Variants in OR56A3 observed in about 807,000 individuals in gnomAD.
OR56A3 encodes olfactory receptor 56A3.
In OR56A3, 23 loss-of-function variants were observed where a neutral mutation model predicts 17.5. The observed-to-expected ratio is 1.32, with a 90% confidence interval of 0.95 to 1.87. The LOEUF is 1.87. Ranked by LOEUF, OR56A3 falls within the 40% of genes most tolerant of loss-of-function variation. The probability of loss-of-function intolerance (pLI) is 0.00; values close to 1 mark genes in which losing one functional copy is unlikely to be tolerated. For synonymous variants in OR56A3, 175 were observed against 150.6 expected, an observed-to-expected ratio of 1.16 and a Z score of -1.19; for missense variants, 366 against 380.1, an observed-to-expected ratio of 0.96 and a Z score of 0.31.
chr11:6,002,443 T>C, the OR56A3 span: 1 of 1,614,250 alleles, frequency 6.2e-7, no homozygotes, highest in Non-Finnish European at 8.5e-7. Context: ...ACAGACAGGT[T>C]ACTGCAGATG....
downstream of OR56A3, among the ~76,000 whole-genome samples, chr11:5,951,636 C>G (rs1847908607): frequency 6.6e-6 from 1 of 152,100 alleles, no homozygotes; most frequent in African/African-American, 2.4e-5. Flanking sequence ...TTTGAGAGGG[C>G]AGGCCCAGCT....
At chr11:6,021,364 A>G in the OR56A3 span, 2 of 152,108 alleles carry the variant, frequency 1.3e-5, no homozygotes, top group African/African-American at 2.4e-5. Context: ...TCAACAATAT[A>G]TTGTATATTT....
the OR56A3 span, chr11:6,020,733 A>C: frequency 3.3e-5 from 5 of 152,078 alleles, no homozygotes; most frequent in Non-Finnish European, 7.4e-5. Flanking sequence ...TTCTATATAT[A>C]GAATCATGTC....
At chr11:6,012,674 C>T in the OR56A3 span, among the ~76,000 whole-genome samples, 56 of 152,262 alleles carry the variant, frequency 3.7e-4, no homozygotes, top group East Asian at 5.8e-4. Flanking sequence ...CATGGGCAGC[C>T]GGGGGCAAGC....
At chr11:5,958,151 T>G in the OR56A3 span, among the ~76,000 whole-genome samples, 4 of 152,186 alleles carry the variant, frequency 2.6e-5, no homozygotes. Context: ...TATCTCTTCA[T>G]GGATAGCCTA....
chr11:6,012,569 C>T, the OR56A3 span, among the ~76,000 whole-genome samples: 1 of 152,160 alleles, frequency 6.6e-6, no homozygotes, highest in African/African-American at 2.4e-5. Context: ...CTCCCTGCAG[C>T]TGGTCATCTC....
At chr11:5,958,540 A>G in the OR56A3 span, among the ~76,000 whole-genome samples, 3 of 152,294 alleles carry the variant, frequency 2.0e-5, no homozygotes, top group African/African-American at 7.2e-5. Flanking sequence ...CATGTACAAC[A>G]GGATGTTTTG....
the OR56A3 span, chr11:5,994,076 C>T: frequency 2.1e-6 from 1 of 481,556 alleles, no homozygotes; most frequent in Non-Finnish European, 4.1e-6. Context: ...TTCAGCAGGG[C>T]TTCCTACTCG....
chr11:5,984,236 G>A, the OR56A3 span, among the ~76,000 whole-genome samples: 1 of 152,134 alleles, frequency 6.6e-6, no homozygotes, highest in African/African-American at 2.4e-5. Context: ...TTACAAGAGG[G>A]AATTCTAAAA....
At chr11:5,958,590 T>C in the OR56A3 span, among the ~76,000 whole-genome samples, 1 of 152,196 alleles carries the variant, frequency 6.6e-6, no homozygotes, top group Admixed American at 6.5e-5. Flanking sequence ...TCTAGCTAGT[T>C]AACAAATGCA....
the OR56A3 span, among the ~76,000 whole-genome samples, chr11:5,960,860 C>T: frequency 4.0e-5 from 6 of 151,622 alleles, no homozygotes; most frequent in East Asian, 5.8e-4. Flanking sequence ...ATGTGGGGAG[C>T]GCCTCTGCCT....
At chr11:5,991,453 A>T in the OR56A3 span, among the ~76,000 whole-genome samples, 1 of 152,256 alleles carries the variant, frequency 6.6e-6, no homozygotes, top group African/African-American at 2.4e-5. Context: ...CACATTTCAT[A>T]GAAGAGCCTC....
the OR56A3 span, among the ~76,000 whole-genome samples, chr11:5,997,618 A>C: frequency 6.6e-6 from 1 of 152,234 alleles, no homozygotes; most frequent in Admixed American, 6.5e-5. Flanking sequence ...TAACAGGAAG[A>C]AAATTGAGGA....
chr11:6,002,522 A>G, the OR56A3 span: 2 of 1,614,268 alleles, frequency 1.2e-6, no homozygotes, highest in Non-Finnish European at 1.7e-6. Flanking sequence ...GAAGAGAAAC[A>G]AAGGCATTCC....
the OR56A3 span, chr11:6,017,108 G>A: frequency 1.3e-5 from 1 of 76,406 alleles, no homozygotes; most frequent in Non-Finnish European, 2.6e-5. Context: ...ATTGGGTGCT[G>A]TAGGAAAAAA....
chr11:6,019,406 G>A, the OR56A3 span: 8 of 152,162 alleles, frequency 5.3e-5, no homozygotes, highest in East Asian at 1.4e-3. Context: ...GTATTAGTCC[G>A]TTTTCTCATG....
the OR56A3 span, among the ~76,000 whole-genome samples, chr11:5,961,826 C>A: frequency 6.6e-6 from 1 of 151,482 alleles, no homozygotes; most frequent in South Asian, 2.1e-4. Flanking sequence ...CATTTTAACA[C>A]CATTATGTTG....
At chr11:5,971,259 A>G in the OR56A3 span, among the ~76,000 whole-genome samples, 1 of 152,348 alleles carries the variant, frequency 6.6e-6, no homozygotes, top group East Asian at 1.9e-4. Flanking sequence ...CCAAATGAAG[A>G]GAATGTCTTA....
chr11:5,997,924 G>C, the OR56A3 span, among the ~76,000 whole-genome samples: 1 of 152,240 alleles, frequency 6.6e-6, no homozygotes, highest in East Asian at 1.9e-4. Context: ...TGTTATTAAT[G>C]ATAAGAGCAT....
Sources: gnomAD v4.1 joint callset for allele counts (sites outside exome capture counted in the v4.1 genomes callset) on GRCh38, gnomAD v4.1.1 for gene constraint, MANE v1.5 for transcripts, NCBI Gene and HGNC (gene_info 2026-07-23, HGNC 2026-07-21) for gene names.